The following CCDC7 variants were observed in gnomAD, a reference collection of about 807,000 sequenced individuals.
CCDC7 encodes the protein coiled-coil domain containing 7.
CCDC7 carries 183 observed loss-of-function variants against 196.9 expected under a neutral mutation model. The ratio of observed to expected loss-of-function variants is 0.93; its 90% CI spans 0.82 to 1.05. The LOEUF is 1.05. Among genes scored for constraint, CCDC7 ranks in the 50% least tolerant of loss-of-function variants. CCDC7 has a pLI of 0.00. For missense variants in CCDC7, 1,540 were observed against 1,482.2 expected (o/e 1.04, Z -0.64); for synonymous variants, 525 against 484.6 (o/e 1.08, Z -1.10).
chr10:32,673,238 T>G (rs886538794), intron 21 of CCDC7, among the ~76,000 whole-genome samples: 5 of 152,074 alleles, frequency 3.3e-5, no homozygotes, highest in African/African-American at 1.2e-4. Context: ...TGCCTCCAGT[T>G]TTTTTTTCTT....
intron 28 of CCDC7, among the ~76,000 whole-genome samples, chr10:32,759,258 G>T (rs1400225263): frequency 2.6e-5 from 4 of 152,058 alleles, no homozygotes; most frequent in Admixed American, 1.3e-4. Context: ...AAGTTCATAT[G>T]GAACCAAAAA....
At chr10:32,606,942 A>G (rs2138577677) in intron 18 of CCDC7, among the ~76,000 whole-genome samples, 1 of 152,296 alleles carries the variant, frequency 6.6e-6, no homozygotes, top group Non-Finnish European at 1.5e-5. Context: ...CCAGATGCAG[A>G]ATGATATGGT....
At chr10:32,733,387 C>T (rs1367658380) in intron 28 of CCDC7, among the ~76,000 whole-genome samples, 2 of 151,728 alleles carry the variant, frequency 1.3e-5, no homozygotes, top group Non-Finnish European at 2.9e-5. Context: ...TTTTGTAGCT[C>T]AGAAAATGGA....
chr10:32,698,004 T>C (rs778195830), intron 24 of CCDC7, among the ~76,000 whole-genome samples: 4 of 152,190 alleles, frequency 2.6e-5, no homozygotes, highest in Admixed American at 6.5e-5. Flanking sequence ...CAACCTTTGC[T>C]CTTCTGCAAT....
chr10:32,751,900 T>C (rs1443948153), intron 28 of CCDC7, among the ~76,000 whole-genome samples: 1 of 152,148 alleles, frequency 6.6e-6, no homozygotes, highest in Non-Finnish European at 1.5e-5. Flanking sequence ...AGAAGTTCTA[T>C]CGGCAGAGAA....
intron 6 of CCDC7, 121 bp from the exon 8 acceptor site, chr10:32,472,360 T>C (rs1344649691): frequency 2.3e-6 from 2 of 868,364 alleles, no homozygotes; most frequent in Non-Finnish European, 3.2e-6. Context: ...ATTAAAGATA[T>C]GTTTAATTTT....
rs190979730 is a variant in CCDC7 at position 32,546,198 on chromosome 10, T to C, written c.1134+1897T>C. On this transcript the variant is annotated intron_variant, in intron 13 of 41. Transcript: ENST00000639629. Reference sequence around the variant, plus strand: ...CTGTAAGGGAATCTTTGCTCTATAATTAACAGAGTACCAGATATTATAGAA... The same window carrying C: ...CTGTAAGGGAATCTTTGCTCTATAACTAACAGAGTACCAGATATTATAGAA... 3.9e-5 allele frequency among the ~76,000 whole-genome samples: 6 copies of C among 152,316 alleles called. No homozygotes were observed. The South Asian group carries it at 6.2e-4, about 16-fold the overall frequency.
rs374090870 is a variant in CCDC7, at chr10:32,869,572, G to T, written c.4112-6775G>T. Among the ~76,000 whole-genome samples the T allele has an allele frequency of 3.9e-5, 6 of 152,160 alleles. No individual in the cohort carries two copies. The East Asian group carries it at 1.2e-3, about 29-fold the overall frequency. ...GTGCAGAAGCTCTTTCGTTTAATCG[G>T]ATCCTATTTGTCAATTTTGGCTTTT... is the stretch of plus-strand genomic sequence containing the variant. On this transcript the variant is annotated intron_variant, in intron 41 of 41. Coordinates refer to ENST00000639629, the Ensembl canonical transcript of CCDC7.
At chr10:32,726,118 G>GT (rs1389750696) in intron 25 of CCDC7, among the ~76,000 whole-genome samples, 3 of 151,364 alleles carry the variant, frequency 2.0e-5, no homozygotes, top group Admixed American at 2.0e-4. Context: ...CTCTATTTCT[G>GT]TTTTTTTCTG....
At chr10:32,713,563 C>A (rs943867847) in intron 25 of CCDC7, among the ~76,000 whole-genome samples, 35 of 152,242 alleles carry the variant, frequency 2.3e-4, no homozygotes, top group African/African-American at 8.4e-4. Flanking sequence ...ACTCAAGTCT[C>A]AAGATTCACT....
Position 32,584,229 on chromosome 10 carries a change from A to G in CCDC7, c.1729-3A>G. 6.4e-7 allele frequency: 1 copy of G among 1,557,950 alleles called. No individual in the cohort carries two copies. Among genetic ancestry groups the G allele is most frequent in the Non-Finnish European group, 8.7e-7 (1 of 1,146,336 alleles). On this transcript the variant is annotated splice_polypyrimidine_tract_variant and splice_region_variant and intron_variant, in intron 17 of 41. Coordinates refer to ENST00000639629, the Ensembl canonical transcript of CCDC7. ...ATTACTTATTACAACTTTTGTTATT[A>G]AGGCTGATGTTTCAGAAGAACAATT...
intron 16 of CCDC7, among the ~76,000 whole-genome samples, chr10:32,576,741 C>T (rs1327188008): frequency 6.6e-6 from 1 of 151,812 alleles, no homozygotes; most frequent in Non-Finnish European, 1.5e-5. Flanking sequence ...TATAGAGACT[C>T]AGTCTCCCTA....
chr10:32,579,332 A>G (rs1448280291), intron 16 of CCDC7, among the ~76,000 whole-genome samples: 1 of 152,066 alleles, frequency 6.6e-6, no homozygotes, highest in Non-Finnish European at 1.5e-5. Context: ...TGTATGAAAT[A>G]TTATGGAATG....
chr10:32,561,214 A>T (rs1372108718), intron 13 of CCDC7, among the ~76,000 whole-genome samples: 3 of 152,312 alleles, frequency 2.0e-5, no homozygotes, highest in African/African-American at 4.8e-5. Flanking sequence ...CACAATAGTA[A>T]TGGGAGACTT....
At chr10:32,795,356 A>C (rs2083388204) in intron 29 of CCDC7, among the ~76,000 whole-genome samples, 1 of 152,010 alleles carries the variant, frequency 6.6e-6, no homozygotes, top group Non-Finnish European at 1.5e-5. Flanking sequence ...TGCTGTTGAG[A>C]GCCTCTAAAA....
chr10:32,635,504 C>T (rs1454031442), intron 20 of CCDC7, among the ~76,000 whole-genome samples: 1 of 151,930 alleles, frequency 6.6e-6, no homozygotes, highest in Non-Finnish European at 1.5e-5. Context: ...GTTTGTTTGC[C>T]TTAAAAACTA....
At chr10:32,713,407 C>T (rs1342511348) in intron 25 of CCDC7, among the ~76,000 whole-genome samples, 1 of 152,024 alleles carries the variant, frequency 6.6e-6, no homozygotes, top group Non-Finnish European at 1.5e-5. Context: ...CCACTGGGGA[C>T]CTAGGGACCT....
intron 14 of CCDC7, among the ~76,000 whole-genome samples, chr10:32,567,239 T>C (rs1339594207): frequency 6.6e-6 from 1 of 151,208 alleles, no homozygotes; most frequent in Non-Finnish European, 1.5e-5. Flanking sequence ...ATAAAAATTA[T>C]AAAAAGTGAC....
At chr10:32,690,498 T>G (rs1263402096) in intron 23 of CCDC7, among the ~76,000 whole-genome samples, 1 of 152,224 alleles carries the variant, frequency 6.6e-6, no homozygotes, top group East Asian at 1.9e-4. Context: ...ATGACAACTG[T>G]AGTCACTTGT....
Sources: allele counts gnomAD v4.1 joint callset (sites outside exome capture counted in the v4.1 genomes callset), GRCh38; gene constraint gnomAD v4.1.1; transcripts MANE v1.5; gene names NCBI Gene and HGNC (gene_info 2026-07-23, HGNC 2026-07-21).